Variants in USP14 observed in about 807,000 individuals in gnomAD.
The protein encoded by USP14 is ubiquitin specific peptidase 14, also known as ubiquitin carboxyl-terminal hydrolase 14.
In USP14, 38 loss-of-function variants were observed where a neutral mutation model predicts 76.5. That is an observed-to-expected ratio of 0.50 (90% CI 0.38 to 0.65). The LOEUF is 0.65. Ranked by LOEUF, USP14 falls within the 30% of genes least tolerant of loss-of-function variation. The pLI is 0.00. For synonymous variants in USP14, 192 were observed against 191.7 expected, an observed-to-expected ratio of 1.00 and a Z score of -0.01; for missense variants, 467 against 586.5, an observed-to-expected ratio of 0.80 and a Z score of 2.10.
chr18:171,360 A>C (rs565136641), intron 3 of USP14, among the ~76,000 whole-genome samples: 37 of 152,214 alleles, frequency 2.4e-4, no homozygotes, highest in Non-Finnish European at 4.6e-4. Context: ...AATGACTTTA[A>C]GTTGAAACCA....
At chr18:209,656 CT>C (rs897810274) in intron 13 of USP14, among the ~76,000 whole-genome samples, 1 of 152,138 alleles carries the variant, frequency 6.6e-6, no homozygotes, top group African/African-American at 2.4e-5. Context: ...TGGGTTTTTC[CT>C]TTTCTGCCCT....
chr18:174,169 C>T (rs1238442909), intron 3 of USP14, among the ~76,000 whole-genome samples: 1 of 152,068 alleles, frequency 6.6e-6, no homozygotes, highest in Non-Finnish European at 1.5e-5. Flanking sequence ...AGTCTTCTAA[C>T]TTACAAACAT....
intron 5 of USP14, among the ~76,000 whole-genome samples, chr18:187,944 A>AT (rs1358028820): frequency 6.6e-6 from 1 of 151,988 alleles, no homozygotes. Flanking sequence ...TAGTATTTGG[A>AT]TTTTCTAAAT....
intron 13 of USP14, among the ~76,000 whole-genome samples, chr18:206,836 G>T (rs1910541740): frequency 6.6e-6 from 1 of 152,204 alleles, no homozygotes; most frequent in Admixed American, 6.5e-5. Flanking sequence ...GGGAGGCAGA[G>T]GTTGTAGTGA....
chr18:168,731 G>A (rs909533671), intron 3 of USP14, among the ~76,000 whole-genome samples: 1 of 151,994 alleles, frequency 6.6e-6, no homozygotes, highest in African/African-American at 2.4e-5. Flanking sequence ...CACTGTGCCA[G>A]GCCTTGTCCT....
intron 10 of USP14, 114 bp from the exon 11 acceptor site, chr18:202,766 G>A (rs1910417048): frequency 1.1e-6 from 1 of 916,296 alleles, no homozygotes; most frequent in Non-Finnish European, 1.7e-6. Flanking sequence ...TTGATGTACT[G>A]TATATTGCCT....
In USP14 at chr18:207,149, C is replaced by T. The variant is rs1021522150; in HGVS notation, c.1164+2457C>T. Reference sequence around the variant, plus strand: ...CTGTATTTATGAGTGTATTTCTAGACTATTAATTTTATTCCATTGGTCTAT... The same window carrying T: ...CTGTATTTATGAGTGTATTTCTAGATTATTAATTTTATTCCATTGGTCTAT... On this transcript the variant is annotated intron_variant, in intron 13 of 15. Transcript: ENST00000261601. Among the ~76,000 whole-genome samples, 2 of 138,868 alleles carry T rather than the reference C, an allele frequency of 1.4e-5. 1 individual carries two copies. The highest frequency in any genetic ancestry group is 3.3e-5 in the Non-Finnish European group (2 of 60,474). The allele number at this position is 138,868 out of a possible 152,430, so 91.1% of individuals were successfully genotyped here.
At chr18:204,324 G>C (rs1910467911) in intron 12 of USP14, among the ~76,000 whole-genome samples, 1 of 151,994 alleles carries the variant, frequency 6.6e-6, no homozygotes, top group South Asian at 2.1e-4. Context: ...AGTTTTGTGG[G>C]TTAGAGTATT....
chr18:181,916 A>G (rs1909799269), intron 5 of USP14, among the ~76,000 whole-genome samples: 2 of 151,750 alleles, frequency 1.3e-5, no homozygotes, highest in Admixed American at 1.3e-4. Flanking sequence ...GGAGGGAGGT[A>G]TTTGCCTATT....
intron 7 of USP14, 119 bp from the exon 8 acceptor site, chr18:197,497 G>T: frequency 1.4e-6 from 1 of 704,060 alleles, no homozygotes; most frequent in South Asian, 2.0e-5. Flanking sequence ...GTCTTATTTG[G>T]CTTAATATTT....
intron 13 of USP14, among the ~76,000 whole-genome samples, chr18:207,583 G>A (rs961380044): frequency 2.8e-5 from 4 of 144,144 alleles, no homozygotes; most frequent in African/African-American, 7.5e-5. Flanking sequence ...GAAGGCTAAG[G>A]TGGGAGGATC....
Position 214,605 on chromosome 18 carries a change from TAAAA to T in USP14, c.*3323_*3326del, listed in dbSNP as rs753455081. ...GTAACAAAATCTATCACAGTTTTAATAAAAAGAAAAAAAAAAGAAGCTAACTATT... is the reference window on the plus strand; with the variant it reads ...GTAACAAAATCTATCACAGTTTTAATAGAAAAAAAAAAGAAGCTAACTATT... On this transcript the variant is annotated 3_prime_UTR_variant, in exon 16 of 16. Coordinates refer to ENST00000261601, the MANE Select transcript of USP14 (RefSeq NM_005151.4). The T allele has an allele frequency of 1.3e-6, 2 of 1,579,272 alleles. No individual in the cohort carries two copies. Among genetic ancestry groups the T allele is most frequent in the Non-Finnish European group, 1.7e-6 (2 of 1,163,332 alleles).
intron 13 of USP14, among the ~76,000 whole-genome samples, chr18:209,014 C>T (rs1910601531): frequency 6.6e-6 from 1 of 152,202 alleles, no homozygotes; most frequent in Non-Finnish European, 1.5e-5. Context: ...AGCCACTATA[C>T]CCGGCCTAAA....
intron 5 of USP14, among the ~76,000 whole-genome samples, chr18:187,129 G>A (rs1909953578): frequency 6.6e-6 from 1 of 152,114 alleles, no homozygotes; most frequent in South Asian, 2.1e-4. Context: ...GTTTACTCGT[G>A]AGTTTATTGG....
chr18:167,508 A>G (rs566031004), intron 3 of USP14, among the ~76,000 whole-genome samples: 2 of 151,566 alleles, frequency 1.3e-5, no homozygotes, highest in East Asian at 1.9e-4. Context: ...GAGGTTTTGC[A>G]TGAGTGGTTT....
chr18:208,735 T>A (rs920380676), intron 13 of USP14, among the ~76,000 whole-genome samples: 1 of 152,150 alleles, frequency 6.6e-6, no homozygotes, highest in Non-Finnish European at 1.5e-5. Flanking sequence ...TTACTTGATT[T>A]AAATTCTATT....
rs1568416824 is a variant in USP14 at position 171,028 on chromosome 18, ATATATATATAT to A, written c.195+4210_195+4220del. ...GGAACTTAAAAAAAAAAAAAAAAATATATATATATATATATATATATATATATAAACTGAAG... is the reference window on the plus strand; with the variant it reads ...GGAACTTAAAAAAAAAAAAAAAAATAATATATATATATATATAAACTGAAG... On this transcript the variant is annotated intron_variant, in intron 3 of 15. Transcript: ENST00000261601. Among the ~76,000 whole-genome samples the A allele has an allele frequency of 8.8e-4, 49 of 55,734 alleles. 1 individual carries two copies. In the East Asian group the frequency reaches 0.023, roughly 27 times the overall value. 36.6% of individuals were successfully genotyped at this position (55,734 alleles called of 152,430 possible). A position where few individuals can be genotyped will look rare whatever the true frequency, so the allele number is the denominator to read the frequency against.
At chr18:189,476 GT>G (rs892719718) in intron 5 of USP14, among the ~76,000 whole-genome samples, 2 of 151,312 alleles carry the variant, frequency 1.3e-5, no homozygotes, top group South Asian at 2.1e-4. Flanking sequence ...GCTCAGTTTT[GT>G]TTGTTTTTTC....
intron 2 of USP14, among the ~76,000 whole-genome samples, chr18:163,847 C>T (rs548158550): frequency 1.8e-4 from 27 of 151,374 alleles, no homozygotes; most frequent in African/African-American, 5.8e-4. Context: ...CCTCTTCCTC[C>T]TCCCACTCTC....
Sources: allele counts gnomAD v4.1 joint callset (sites outside exome capture counted in the v4.1 genomes callset), GRCh38; gene constraint gnomAD v4.1.1; transcripts MANE v1.5; gene names NCBI Gene and HGNC (gene_info 2026-07-23, HGNC 2026-07-21).